SLC35F1: variants seen among roughly 807,000 people sequenced by gnomAD.
SLC35F1 encodes the protein chromosome 6 open reading frame 169.
Under a neutral mutation model 48.7 loss-of-function variants are expected in SLC35F1, and 14 were observed. That is an observed-to-expected ratio of 0.29 (90% CI 0.19 to 0.45). The LOEUF (loss-of-function observed/expected upper bound fraction) is 0.45, where lower values mean the gene tolerates loss of function less well. Among genes scored for constraint, SLC35F1 ranks in the 20% least tolerant of loss-of-function variants. SLC35F1 has a pLI of 1.00. For missense variants in SLC35F1, 404 were observed against 500.0 expected (o/e 0.81, Z 1.83); for synonymous variants, 190 against 202.2 (o/e 0.94, Z 0.51).
chr6:118,110,096 G>A (rs1312608258), intron 1 of SLC35F1, among the ~76,000 whole-genome samples: 1 of 152,114 alleles, frequency 6.6e-6, no homozygotes, highest in African/African-American at 2.4e-5. Context: ...AGAGCAGCCT[G>A]TTTCCCATCT....
intron 1 of SLC35F1, among the ~76,000 whole-genome samples, chr6:118,068,902 G>C (rs1383022339): frequency 6.6e-6 from 1 of 151,944 alleles, no homozygotes; most frequent in Non-Finnish European, 1.5e-5. Context: ...TTTGAACAAG[G>C]CTTCAAGGTC....
chr6:118,027,689 A>C (rs543672036), intron 1 of SLC35F1, among the ~76,000 whole-genome samples: 14 of 152,052 alleles, frequency 9.2e-5, no homozygotes, highest in Non-Finnish European at 1.6e-4. Context: ...AGAGCTCTTC[A>C]TATATTCTAG....
intron 2 of SLC35F1, among the ~76,000 whole-genome samples, chr6:118,182,544 G>GAAGA (rs1774596407): frequency 1.3e-5 from 2 of 148,514 alleles, no homozygotes; most frequent in Admixed American, 1.4e-4. Context: ...AGGAAGGAAG[G>GAAGA]AAGGAAGGAA....
chr6:118,237,141 G>A (rs372997496), intron 3 of SLC35F1, among the ~76,000 whole-genome samples: 1 of 152,110 alleles, frequency 6.6e-6, no homozygotes, highest in African/African-American at 2.4e-5. Flanking sequence ...ACATTTTTAA[G>A]GACCTTGAAA....
chr6:118,299,524 G>A (rs1348247403), intron 7 of SLC35F1, among the ~76,000 whole-genome samples: 5 of 152,090 alleles, frequency 3.3e-5, no homozygotes, highest in African/African-American at 4.8e-5. Context: ...AACATTATCG[G>A]AATATTTTAA....
chr6:118,229,136 A>G (rs948295788), intron 2 of SLC35F1, among the ~76,000 whole-genome samples: 6 of 151,984 alleles, frequency 3.9e-5, no homozygotes, highest in Non-Finnish European at 8.8e-5. Flanking sequence ...TTTATTAGCC[A>G]CTACCACCCT....
At chr6:117,971,398 T>G (rs1000443059) in intron 1 of SLC35F1, among the ~76,000 whole-genome samples, 2 of 152,232 alleles carry the variant, frequency 1.3e-5, no homozygotes, top group Non-Finnish European at 2.9e-5. Context: ...CTGTGGCCTT[T>G]CCAGGTGCAC....
At chr6:118,226,161 T>C (rs1775214095) in intron 2 of SLC35F1, among the ~76,000 whole-genome samples, 1 of 152,112 alleles carries the variant, frequency 6.6e-6, no homozygotes, top group Admixed American at 6.6e-5. Context: ...AAATCAAAAC[T>C]ATAGTCTCAA....
chr6:117,942,304 A>G (rs961045961), intron 1 of SLC35F1, among the ~76,000 whole-genome samples: 1 of 152,192 alleles, frequency 6.6e-6, no homozygotes, highest in Admixed American at 6.5e-5. Context: ...GAGCTTAGAT[A>G]TTGTAAATAT....
chr6:118,098,480 G>GGAGT (rs1420401737), intron 1 of SLC35F1, among the ~76,000 whole-genome samples: 1 of 152,100 alleles, frequency 6.6e-6, no homozygotes, highest in Non-Finnish European at 1.5e-5. Flanking sequence ...TTGTGTACTG[G>GGAGT]GAGTGCAGAT....
intron 7 of SLC35F1, among the ~76,000 whole-genome samples, chr6:118,287,038 T>C (rs1776060001): frequency 6.6e-6 from 1 of 152,176 alleles, no homozygotes; most frequent in Admixed American, 6.5e-5. Context: ...AAAGAAAGTA[T>C]CTAGGACTAG....
chr6:118,217,265 A>G (rs985692645), intron 2 of SLC35F1, among the ~76,000 whole-genome samples: 1 of 152,194 alleles, frequency 6.6e-6, no homozygotes, highest in Admixed American at 6.5e-5. Flanking sequence ...TATAAACAAA[A>G]TGTGGTATAT....
intron 1 of SLC35F1, among the ~76,000 whole-genome samples, chr6:117,980,329 C>A (rs922198140): frequency 6.6e-6 from 1 of 152,054 alleles, no homozygotes; most frequent in African/African-American, 2.4e-5. Flanking sequence ...TACAAGCACC[C>A]TTGATTGTCT....
chr6:118,295,477 G>A (rs1216856561), intron 7 of SLC35F1, among the ~76,000 whole-genome samples: 3 of 152,040 alleles, frequency 2.0e-5, no homozygotes, highest in Admixed American at 1.3e-4. Context: ...ACAGAGACTG[G>A]AAACTTTCAT....
chr6:118,053,274 G>T (rs1031365118), intron 1 of SLC35F1, among the ~76,000 whole-genome samples: 13 of 152,098 alleles, frequency 8.5e-5, no homozygotes, highest in African/African-American at 3.1e-4. Flanking sequence ...TAAGATTTAA[G>T]AAGACTAGAA....
chr6:117,939,304 G>C (rs1776200031), intron 1 of SLC35F1, among the ~76,000 whole-genome samples: 1 of 152,042 alleles, frequency 6.6e-6, no homozygotes, highest in South Asian at 2.1e-4. Context: ...ATGAATATCA[G>C]TAGATGCAAA....
At chr6:118,302,249 G>C (rs1274068298) in intron 7 of SLC35F1, among the ~76,000 whole-genome samples, 2 of 152,134 alleles carry the variant, frequency 1.3e-5, no homozygotes, top group Non-Finnish European at 2.9e-5. Context: ...AGATGTGTGA[G>C]AGAAGGAATG....
At chr6:117,934,799 C>T (rs1368531504) in intron 1 of SLC35F1, among the ~76,000 whole-genome samples, 1 of 152,094 alleles carries the variant, frequency 6.6e-6, no homozygotes, top group African/African-American at 2.4e-5. Context: ...CCTGTTAGAG[C>T]CCTCTGGTGT....
chr6:118,287,682 T>C (rs955841935), intron 7 of SLC35F1, among the ~76,000 whole-genome samples: 5 of 152,200 alleles, frequency 3.3e-5, no homozygotes, highest in Non-Finnish European at 7.3e-5. Flanking sequence ...CTGTCTTTGA[T>C]AACAGTGTAC....
Sources: gnomAD v4.1 joint callset for allele counts (sites outside exome capture counted in the v4.1 genomes callset) on GRCh38, gnomAD v4.1.1 for gene constraint, MANE v1.5 for transcripts, NCBI Gene and HGNC (gene_info 2026-07-23, HGNC 2026-07-21) for gene names.